The following DHX30 variants were observed in gnomAD, a reference collection of about 807,000 sequenced individuals.
DHX30 encodes ATP-dependent RNA helicase DHX30.
In DHX30, 4 loss-of-function variants were observed where a neutral mutation model predicts 116.9. The ratio of observed to expected loss-of-function variants is 0.03; its 90% CI spans 0.02 to 0.08. The LOEUF is 0.08. Among genes scored for constraint, DHX30 ranks in the 10% least tolerant of loss-of-function variants. The probability of loss-of-function intolerance (pLI) is 1.00; values close to 1 mark genes in which losing one functional copy is unlikely to be tolerated. For synonymous variants in DHX30, 697 were observed against 651.7 expected, an observed-to-expected ratio of 1.07 and a Z score of -1.06; for missense variants, 871 against 1,595.1, an observed-to-expected ratio of 0.55 and a Z score of 7.73.
chr3:47,827,838 A>G (rs1407825775), intron 5 of DHX30, among the ~76,000 whole-genome samples: 2 of 152,050 alleles, frequency 1.3e-5, no homozygotes, highest in East Asian at 3.9e-4. Flanking sequence ...ACCATTCTGG[A>G]TGATTTTTTA....
chr3:47,848,658 G>C lies in DHX30; in HGVS notation c.2610G>C (p.Leu870=), dbSNP rs1559724416. 1 of 1,614,014 alleles carries C rather than the reference G, an allele frequency of 6.2e-7. No individual in the cohort carries two copies. Among genetic ancestry groups the C allele is most frequent in the Admixed American group, 1.7e-5 (1 of 60,002 alleles). The change falls in exon 17 of 22, where the codon CTG becomes CTC. Residue 870 remains leucine, a synonymous_variant. Coordinates refer to ENST00000445061, the MANE Select transcript of DHX30 (RefSeq NM_138615.3). The surrounding 1 kb of genome is among the most constrained non-coding windows in gnomAD (Gnocchi z 9.4). ...VLDQREYLTT[L]GQRLAHISTD... is the part of the protein sequence containing the mutation. The stretch of plus-strand genomic sequence containing the variant: ...ACCAGCGGGAGTACCTGACTACCCT[G>C]GGGCAGCGCCTGGCTCACATCTCCA...
At chr3:47,828,375 G>GC (rs2036642499) in intron 5 of DHX30, among the ~76,000 whole-genome samples, 1 of 150,516 alleles carries the variant, frequency 6.6e-6, no homozygotes, top group African/African-American at 2.5e-5. Flanking sequence ...TGAGGGGATT[G>GC]CTTGAGCCCA....
chr3:47,849,911 CTGCGGCTGGAGGGTGACTCGCGTACCG>C lies in DHX30; in HGVS notation c.3385_3411del (p.Glu1129_Leu1137del), dbSNP rs1417575560. ...CATCTCACTGAGCGACAGTGACCTG[CTGCGGCTGGAGGGTGACTCGCGTACCG>C]TGCGGCTGCTGAAGGAGCTGCGGCG... On this transcript the variant is annotated inframe_deletion, in exon 22 of 22. Coordinates refer to ENST00000445061, the MANE Select transcript of DHX30 (RefSeq NM_138615.3). The C allele has an allele frequency of 6.2e-7, 1 of 1,613,554 alleles. No individual in the cohort carries two copies. Among genetic ancestry groups the C allele is most frequent in the Non-Finnish European group, 8.5e-7 (1 of 1,179,818 alleles).
In DHX30 at chr3:47,817,998, C is replaced by T. The variant is rs372491791; in HGVS notation, c.29-24C>T. On this transcript the variant is annotated intron_variant, in intron 3 of 21. Coordinates refer to ENST00000445061, the MANE Select transcript of DHX30 (RefSeq NM_138615.3). The stretch of plus-strand genomic sequence containing the variant: ...CTGTGAGGGGTGAGAACATGTCGCC[C>T]TGATGCCCTCTCTCTTTCCCCAGAT... 1.8e-5 allele frequency: 14 copies of T among 780,930 alleles called. No homozygotes were observed. The African/African-American group carries it at 2.4e-4, about 13-fold the overall frequency. The allele number at this position is 780,930 out of a possible 1,614,324, so 48.4% of individuals were successfully genotyped here.
chr3:47,815,337 C>A (rs1480853522), intron 3 of DHX30, among the ~76,000 whole-genome samples: 1 of 152,168 alleles, frequency 6.6e-6, no homozygotes, highest in Non-Finnish European at 1.5e-5. Context: ...AGAGCTATAG[C>A]CTTGCCTCAG....
At chr3:47,807,704 A>C (rs2035592413) in intron 2 of DHX30, among the ~76,000 whole-genome samples, 1 of 117,362 alleles carries the variant, frequency 8.5e-6, no homozygotes, top group South Asian at 2.6e-4. Flanking sequence ...ACTCTGTCTC[A>C]AAAAAAAAAA....
intron 6 of DHX30, among the ~76,000 whole-genome samples, chr3:47,832,043 C>T (rs1251590070): frequency 1.4e-5 from 2 of 146,930 alleles, no homozygotes; most frequent in African/African-American, 5.0e-5. Context: ...ATAAAATGAT[C>T]CATTTTATAT....
intron 4 of DHX30, among the ~76,000 whole-genome samples, chr3:47,827,133 C>T (rs1364972263): frequency 6.6e-6 from 1 of 151,940 alleles, no homozygotes; most frequent in African/African-American, 2.4e-5. Flanking sequence ...GTCATTGGCC[C>T]TTCTTCAGGA....
At chr3:47,835,775 T>C (rs1156437119) in intron 6 of DHX30, among the ~76,000 whole-genome samples, 2 of 152,256 alleles carry the variant, frequency 1.3e-5, no homozygotes, top group African/African-American at 4.8e-5. Flanking sequence ...AGATATGTCA[T>C]TTGTAAGCAG....
rs1356998135 is a variant in DHX30 at position 47,850,179 on chromosome 3, A to G, written c.*59A>G. On this transcript the variant is annotated 3_prime_UTR_variant, in exon 22 of 22. Coordinates refer to ENST00000445061, the MANE Select transcript of DHX30 (RefSeq NM_138615.3). ...AAATGTTTATTTAAAATAAAGTTCT[A>G]TTTATCCCTTGTGACCACTGCTGTC... 4.0e-6 allele frequency: 6 copies of G among 1,489,962 alleles called. No individual in the cohort carries two copies. The highest frequency in any genetic ancestry group is 1.3e-5 in the South Asian group (1 of 76,832). The allele number at this position is 1,489,962 out of a possible 1,614,324, so 92.3% of individuals were successfully genotyped here.
In DHX30 at chr3:47,846,179, T is replaced by A. The variant is rs1216923710; in HGVS notation, c.1107T>A (p.Ser369Arg). 1 of 1,612,978 alleles carries A rather than the reference T, an allele frequency of 6.2e-7. No homozygotes were observed. The highest frequency in any genetic ancestry group is 8.5e-7 in the Non-Finnish European group (1 of 1,179,800). Residue 369 changes from serine to arginine, a missense_variant, in exon 11 of 22, where the codon AGT becomes AGA. Around this residue, in one of 13 missense-constraint regions of DHX30, gnomAD observed 175 missense variants for 292.9 expected, o/e 0.60. Transcript: ENST00000445061. ...CTGCCCTCCAGTACCCTGTGGAGAG[T>A]TCATGGATCGCCCCAGAACTCCGGC... ...ETFLNHYPVESSWIAPELRLQ... is the reference protein window; with the variant it reads ...ETFLNHYPVERSWIAPELRLQ...
At chr3:47,830,250 C>T (rs1335798909) in intron 6 of DHX30, among the ~76,000 whole-genome samples, 1 of 151,240 alleles carries the variant, frequency 6.6e-6, no homozygotes, top group Admixed American at 6.6e-5. Context: ...GAGCTTGAGA[C>T]CAGCCTGACC....
intron 6 of DHX30, among the ~76,000 whole-genome samples, chr3:47,829,731 G>A (rs2036748535): frequency 6.6e-6 from 1 of 152,098 alleles, no homozygotes; most frequent in Non-Finnish European, 1.5e-5. Context: ...CCGACACACA[G>A]CGTGAGGGAT....
intron 3 of DHX30, chr3:47,816,474 C>G (rs924578453): frequency 1.2e-5 from 12 of 966,918 alleles, no homozygotes; most frequent in Non-Finnish European, 1.5e-5. Context: ...TCTCGTGCCT[C>G]AGCCTCCTGA....
chr3:47,848,676 C>T lies in DHX30; in HGVS notation c.2628C>T (p.His876=). The T allele has an allele frequency of 1.9e-6, 3 of 1,614,106 alleles. No homozygotes were observed. The highest frequency in any genetic ancestry group is 2.2e-5 in the East Asian group (1 of 44,870). Residue 876 remains histidine (H), a synonymous_variant, in exon 17 of 22, where the codon CAC becomes CAT. Transcript: ENST00000445061. This position sits in a 1 kb window ranked among gnomAD's most constrained non-coding sequence, Gnocchi z 9.4. Reference sequence around the variant, plus strand: ...CTACCCTGGGGCAGCGCCTGGCTCACATCTCCACCGACCCCCGGTTGGCCA... The same window carrying T: ...CTACCCTGGGGCAGCGCCTGGCTCATATCTCCACCGACCCCCGGTTGGCCA... ...YLTTLGQRLA[H]ISTDPRLAKA...
chr3:47,839,871 C>T (rs1462759872), intron 6 of DHX30, among the ~76,000 whole-genome samples: 1 of 151,804 alleles, frequency 6.6e-6, no homozygotes, highest in African/African-American at 2.4e-5. Context: ...GATGGGGTTT[C>T]GCCATGTTGG....
At chr3:47,845,587 A>G (rs993522707) in intron 9 of DHX30, 113 bp from the exon 10 acceptor site, 4 of 1,277,390 alleles carry the variant, frequency 3.1e-6, no homozygotes, top group African/African-American at 1.5e-5. Flanking sequence ...CCAAAATCCA[A>G]AATCTCTTAG....
chr3:47,807,703 C>CAAAAAA (rs1202083372), intron 2 of DHX30, among the ~76,000 whole-genome samples: 5 of 32,726 alleles, frequency 1.5e-4, no homozygotes, highest in Non-Finnish European at 2.2e-4. Context: ...GACTCTGTCT[C>CAAAAAA]AAAAAAAAAA....
chr3:47,803,152 G>A lies in DHX30; in HGVS notation c.-183G>A, dbSNP rs1158605806. On this transcript the variant is annotated 5_prime_UTR_variant, in exon 1 of 22. Transcript: ENST00000445061. Reference sequence around the variant, plus strand: ...TGCTGGGAGTTGTAGTCCGGCCGTGGTTGGGGGAGCCGCGGCTCATGCGCG... The same window carrying A: ...TGCTGGGAGTTGTAGTCCGGCCGTGATTGGGGGAGCCGCGGCTCATGCGCG... 2.5e-6 allele frequency: 1 copy of A among 394,070 alleles called. No individual in the cohort carries two copies. Among genetic ancestry groups the A allele is most frequent in the Non-Finnish European group, 4.5e-6 (1 of 223,082 alleles). The allele number at this position is 394,070 out of a possible 1,614,324, so 24.4% of individuals were successfully genotyped here.
Sources: gnomAD v4.1 joint callset for allele counts (sites outside exome capture counted in the v4.1 genomes callset) on GRCh38, gnomAD v4.1.1 for gene constraint, gnomAD v4.1.1 regional missense constraint, Gnocchi (gnomAD v3.1) non-coding constraint, MANE v1.5 for transcripts, NCBI Gene and HGNC (gene_info 2026-07-23, HGNC 2026-07-21) for gene names.